The following RCAN2 variants were observed in gnomAD, a reference collection of about 807,000 sequenced individuals.
RCAN2 encodes the protein calcipressin-2.
Under a neutral mutation model 23.6 loss-of-function variants are expected in RCAN2, and 9 were observed. The ratio of observed to expected loss-of-function variants is 0.38; its 90% CI spans 0.23 to 0.67. The LOEUF (loss-of-function observed/expected upper bound fraction) is 0.67. RCAN2 is among the 30% of genes least tolerant of loss of function. The probability of loss-of-function intolerance (pLI) is 0.51; values close to 1 mark genes in which losing one functional copy is unlikely to be tolerated. For missense variants in RCAN2, 273 were observed against 302.3 expected, an observed-to-expected ratio of 0.90 and a Z score of 0.72; for synonymous variants, 109 against 115.7, an observed-to-expected ratio of 0.94 and a Z score of 0.37.
intron 2 of RCAN2, among the ~76,000 whole-genome samples, chr6:46,287,454 T>G (rs144009349): frequency 1.0e-3 from 159 of 152,316 alleles, no homozygotes; most frequent in African/African-American, 3.7e-3. Context: ...TCTTTTTCCC[T>G]CTGTGCTACC....
At chr6:46,387,159 A>C (rs1299087311) in intron 2 of RCAN2, among the ~76,000 whole-genome samples, 2 of 152,244 alleles carry the variant, frequency 1.3e-5, no homozygotes, top group African/African-American at 4.8e-5. Flanking sequence ...CTAGAAAAAA[A>C]CTTAGGCAAT....
intron 1 of RCAN2, among the ~76,000 whole-genome samples, chr6:46,471,634 A>C (rs1257615634): frequency 6.6e-6 from 1 of 152,178 alleles, no homozygotes; most frequent in African/African-American, 2.4e-5. Context: ...CTAAGTAATG[A>C]GCAGTTGGTG....
chr6:46,285,634 T>G (rs2150341696), intron 2 of RCAN2, among the ~76,000 whole-genome samples: 1 of 152,350 alleles, frequency 6.6e-6, no homozygotes, highest in South Asian at 2.1e-4. Context: ...TGAAAATGTC[T>G]TCCCTACCTA....
chr6:46,466,700 G>A (rs1768396580), intron 1 of RCAN2, among the ~76,000 whole-genome samples: 1 of 151,998 alleles, frequency 6.6e-6, no homozygotes, highest in South Asian at 2.1e-4. Flanking sequence ...CAGCAAACCA[G>A]GACAGCCACA....
chr6:46,399,147 C>A (rs1582170277), intron 2 of RCAN2, among the ~76,000 whole-genome samples: 1 of 152,046 alleles, frequency 6.6e-6, no homozygotes, highest in East Asian at 2.0e-4. Context: ...ACTACATAAA[C>A]TCCTGGGCAC....
At chr6:46,482,353 A>G (rs568381172) in intron 1 of RCAN2, among the ~76,000 whole-genome samples, 2 of 152,238 alleles carry the variant, frequency 1.3e-5, no homozygotes, top group African/African-American at 4.8e-5. Context: ...TTCAAGCCCT[A>G]GGATCATTGA....
At chr6:46,315,759 G>A (rs757624651) in intron 2 of RCAN2, among the ~76,000 whole-genome samples, 4 of 152,110 alleles carry the variant, frequency 2.6e-5, no homozygotes, top group Admixed American at 6.5e-5. Flanking sequence ...CATTAACTGA[G>A]TCAACAACAG....
chr6:46,370,764 C>T (rs909106121), intron 2 of RCAN2, among the ~76,000 whole-genome samples: 1 of 152,200 alleles, frequency 6.6e-6, no homozygotes, highest in African/African-American at 2.4e-5. Flanking sequence ...GGGTTTCGTT[C>T]CCTGCTGGAA....
At chr6:46,360,422 T>C (rs1481089370) in intron 2 of RCAN2, among the ~76,000 whole-genome samples, 2 of 148,582 alleles carry the variant, frequency 1.3e-5, no homozygotes, top group Non-Finnish European at 3.0e-5. Context: ...TAGTCCCAGC[T>C]CCTCCGGAGG....
chr6:46,370,714 G>T (rs9369614), intron 2 of RCAN2, among the ~76,000 whole-genome samples: 62,087 of 152,106 alleles, frequency 0.41, 15,621 homozygotes, highest in East Asian at 0.59. Context: ...GCATTTCAGT[G>T]TGTGATCTCT....
intron 2 of RCAN2, among the ~76,000 whole-genome samples, chr6:46,301,613 T>G (rs1407812642): frequency 6.6e-6 from 1 of 152,102 alleles, no homozygotes; most frequent in Non-Finnish European, 1.5e-5. Context: ...TACAGACAAT[T>G]AACAAATAGG....
chr6:46,317,747 A>C (rs1053583765), intron 2 of RCAN2, among the ~76,000 whole-genome samples: 1 of 152,132 alleles, frequency 6.6e-6, no homozygotes, highest in African/African-American at 2.4e-5. Flanking sequence ...TTACAGGCGT[A>C]AGGCACCGCG....
chr6:46,406,777 T>A (rs1273876243), intron 2 of RCAN2, among the ~76,000 whole-genome samples: 3 of 152,232 alleles, frequency 2.0e-5, no homozygotes, highest in African/African-American at 4.8e-5. Context: ...CAGGGAACTT[T>A]CAGTGTAAAC....
Position 46,281,699 on chromosome 6 carries a change from T to C in RCAN2, c.226-32803A>G, listed in dbSNP as rs567878864. Among the ~76,000 whole-genome samples, 3 of 152,306 alleles carry C rather than the reference T, an allele frequency of 2.0e-5. No individual in the cohort carries two copies. The South Asian group carries it at 6.2e-4, about 32-fold the overall frequency. The stretch of plus-strand genomic sequence containing the variant: ...ATTTTGTTATTTTTCTTTTTATTAG[T>C]GATTCCAATTTATTAATAATCAGAG... On this transcript the variant is annotated intron_variant, in intron 2 of 4. Coordinates refer to ENST00000371374, the MANE Select transcript of RCAN2 (RefSeq NM_001251974.2).
chr6:46,234,882 G>C (rs1384532603), intron 4 of RCAN2, among the ~76,000 whole-genome samples: 2 of 152,194 alleles, frequency 1.3e-5, no homozygotes, highest in African/African-American at 4.8e-5. Context: ...ACTGGAGGAG[G>C]GAGTGAGGGT....
chr6:46,263,566 T>A (rs1354250787), intron 2 of RCAN2, among the ~76,000 whole-genome samples: 1 of 150,232 alleles, frequency 6.7e-6, no homozygotes, highest in African/African-American at 2.5e-5. Context: ...TGTGTATGTG[T>A]GTGTGTGTTA....
chr6:46,488,293 A>T (rs1428976274), intron 1 of RCAN2, among the ~76,000 whole-genome samples: 1 of 152,244 alleles, frequency 6.6e-6, no homozygotes, highest in Admixed American at 6.5e-5. Flanking sequence ...CTTGTCAGTC[A>T]TCTGAGAATA....
chr6:46,221,518 T>A lies in RCAN2; in HGVS notation c.*1623A>T, dbSNP rs1166758293. 1 of 161,422 alleles carries A rather than the reference T, an allele frequency of 6.2e-6. No homozygotes were observed. Among genetic ancestry groups the A allele is most frequent in the African/African-American group, 2.4e-5 (1 of 41,884 alleles). The allele number at this position is 161,422 out of a possible 1,614,324, so 10.0% of individuals were successfully genotyped here. A position where few individuals can be genotyped will look rare whatever the true frequency, so the allele number is the denominator to read the frequency against. On this transcript the variant is annotated 3_prime_UTR_variant, in exon 5 of 5. Coordinates refer to ENST00000371374, the MANE Select transcript of RCAN2 (RefSeq NM_001251974.2). ...TTAAAAGGAGTTTTCATTTTCCTTA[T>A]GGAAACTCAGGATTTTACAAGCAAT... is the stretch of plus-strand genomic sequence containing the variant.
At chr6:46,326,891 G>C (rs1018136026) in intron 2 of RCAN2, among the ~76,000 whole-genome samples, 7 of 152,102 alleles carry the variant, frequency 4.6e-5, no homozygotes, top group African/African-American at 1.7e-4. Flanking sequence ...CCTTCAACAA[G>C]GCATTTTCTA....
Sources: allele counts gnomAD v4.1 joint callset (sites outside exome capture counted in the v4.1 genomes callset), GRCh38; gene constraint gnomAD v4.1.1; transcripts MANE v1.5; gene names NCBI Gene and HGNC (gene_info 2026-07-23, HGNC 2026-07-21).